MBNL1: variants seen among roughly 807,000 people sequenced by gnomAD.
The protein encoded by MBNL1 is muscleblind like splicing regulator 1, also known as muscleblind-like protein 1.
A neutral mutation model predicts 42.2 loss-of-function variants in MBNL1; 8 were observed. That is an observed-to-expected ratio of 0.19 (90% CI 0.11 to 0.34). The LOEUF is 0.34. Ranked by LOEUF, MBNL1 falls within the 10% of genes least tolerant of loss-of-function variation. The pLI is 1.00. For synonymous variants in MBNL1, 169 were observed against 173.9 expected, an observed-to-expected ratio of 0.97 and a Z score of 0.22; for missense variants, 309 against 495.3, an observed-to-expected ratio of 0.62 and a Z score of 3.57.
At chr3:152,428,005 C>T (rs2098957608) in intron 3 of MBNL1, among the ~76,000 whole-genome samples, 1 of 151,564 alleles carries the variant, frequency 6.6e-6, no homozygotes, top group East Asian at 1.9e-4. Flanking sequence ...ATATTTGCAA[C>T]ATTACAGCAT....
chr3:152,431,229 A>G (rs2099003309), intron 3 of MBNL1, among the ~76,000 whole-genome samples: 1 of 152,190 alleles, frequency 6.6e-6, no homozygotes, highest in South Asian at 2.1e-4. Flanking sequence ...GCGTCCATCC[A>G]TTGAATATAA....
chr3:152,281,254 A>T (rs537584269), intron 1 of MBNL1, among the ~76,000 whole-genome samples: 4 of 152,090 alleles, frequency 2.6e-5, no homozygotes, highest in African/African-American at 9.7e-5. Flanking sequence ...ATGATAAGGT[A>T]CTACTGTGAG....
At chr3:152,338,866 T>G (rs1402955151) in intron 2 of MBNL1, among the ~76,000 whole-genome samples, 2 of 152,218 alleles carry the variant, frequency 1.3e-5, no homozygotes, top group Non-Finnish European at 2.9e-5. Context: ...CACATTAGTT[T>G]TATTTATATT....
chr3:152,421,592 G>A (rs960620268), intron 3 of MBNL1, among the ~76,000 whole-genome samples: 4 of 152,090 alleles, frequency 2.6e-5, no homozygotes, highest in African/African-American at 9.7e-5. Context: ...GAAATACAGA[G>A]AACGACACAA....
intron 2 of MBNL1, among the ~76,000 whole-genome samples, chr3:152,254,953 C>T (rs544645748): frequency 1.3e-5 from 2 of 152,186 alleles, no homozygotes; most frequent in East Asian, 3.9e-4. Flanking sequence ...GTGTGTCTAT[C>T]TCTAAACTGG....
intron 2 of MBNL1, among the ~76,000 whole-genome samples, chr3:152,334,740 G>A (rs2088363928): frequency 6.6e-6 from 1 of 152,072 alleles, no homozygotes; most frequent in Non-Finnish European, 1.5e-5. Flanking sequence ...TTTGCTTATT[G>A]GGAATGAGAA....
intron 2 of MBNL1, among the ~76,000 whole-genome samples, chr3:152,329,695 TTATATA>T (rs200400979): frequency 7.6e-6 from 1 of 132,398 alleles, no homozygotes; most frequent in Admixed American, 7.4e-5. Flanking sequence ...ATCTTATATA[TTATATA>T]TATATATAAT....
chr3:152,320,542 T>C (rs1475353575), intron 2 of MBNL1, among the ~76,000 whole-genome samples: 1 of 152,082 alleles, frequency 6.6e-6, no homozygotes, highest in African/African-American at 2.4e-5. Context: ...TACACAGTTA[T>C]TTTGGTGACA....
intron 1 of MBNL1, among the ~76,000 whole-genome samples, chr3:152,291,694 G>A (rs1008338667): frequency 2.6e-5 from 4 of 152,262 alleles, no homozygotes; most frequent in Admixed American, 2.6e-4. Context: ...TGTGGCAAAG[G>A]CAAATGATAA....
chr3:152,446,653 T>A (rs768632333), intron 5 of MBNL1: 1 of 1,484,846 alleles, frequency 6.7e-7, no homozygotes, highest in East Asian at 2.3e-5. Context: ...GTTAATGCGC[T>A]TGAACCCCAC....
At chr3:152,361,478 A>G (rs1200494385) in intron 2 of MBNL1, among the ~76,000 whole-genome samples, 1 of 151,260 alleles carries the variant, frequency 6.6e-6, no homozygotes, top group African/African-American at 2.4e-5. Context: ...AAGTCAAGGA[A>G]GCATGAAAAA....
At chr3:152,419,303 C>T (rs989924043) in intron 3 of MBNL1, among the ~76,000 whole-genome samples, 1 of 152,056 alleles carries the variant, frequency 6.6e-6, no homozygotes, top group African/African-American at 2.4e-5. Context: ...CAAATAGGAG[C>T]AACTCCAGTC....
Position 152,299,535 on chromosome 3 carries a change from A to T in MBNL1, c.-659A>T. 1 of 393,660 alleles carries T rather than the reference A, an allele frequency of 2.5e-6. No homozygotes were observed. Among genetic ancestry groups the T allele is most frequent in the Non-Finnish European group, 4.5e-6 (1 of 223,224 alleles). 24.4% of individuals were successfully genotyped at this position (393,660 alleles called of 1,614,324 possible). ...CACATCCACCCTCCACCTCTAGCCC[A>T]GACACCCCCATTTCTACTTATAATC... On this transcript the variant is annotated 5_prime_UTR_variant, in exon 2 of 10. Transcript: ENST00000324210.
intron 2 of MBNL1, among the ~76,000 whole-genome samples, chr3:152,324,956 T>C (rs1399749814): frequency 6.6e-6 from 1 of 152,010 alleles, no homozygotes; most frequent in East Asian, 1.9e-4. Context: ...GATCCCTTAC[T>C]AAGTACTTAG....
At chr3:152,458,695 C>T (rs1422514623) in intron 8 of MBNL1, 1 of 155,984 alleles carries the variant, frequency 6.4e-6, no homozygotes, top group Non-Finnish European at 1.4e-5. Flanking sequence ...CTCTCAAGTT[C>T]TCTAATTCTC....
intron 1 of MBNL1, among the ~76,000 whole-genome samples, chr3:152,281,327 A>C (rs141405440): frequency 2.2e-3 from 338 of 152,198 alleles, no homozygotes; most frequent in Non-Finnish European, 3.8e-3. Flanking sequence ...TCAGTATGGT[A>C]TGAATTAGGC....
chr3:152,268,622 G>T (rs1484295824), upstream of MBNL1: 1 of 400,114 alleles, frequency 2.5e-6, no homozygotes, highest in Non-Finnish European at 5.0e-6. Flanking sequence ...AGATACCAAC[G>T]GGAGGCCGAG....
chr3:152,317,514 T>A (rs2152306513), intron 2 of MBNL1, among the ~76,000 whole-genome samples: 1 of 152,182 alleles, frequency 6.6e-6, no homozygotes, highest in East Asian at 1.9e-4. Flanking sequence ...TAGATGAGGT[T>A]TCAGCATGTT....
At chr3:152,450,706 A>G (rs1721075433) in intron 6 of MBNL1, among the ~76,000 whole-genome samples, 1 of 152,204 alleles carries the variant, frequency 6.6e-6, no homozygotes, top group Admixed American at 6.5e-5. Flanking sequence ...GATTGTGTAT[A>G]TGCCTCATAG....
Sources: allele counts gnomAD v4.1 joint callset (sites outside exome capture counted in the v4.1 genomes callset), GRCh38; gene constraint gnomAD v4.1.1; transcripts MANE v1.5; gene names NCBI Gene and HGNC (gene_info 2026-07-23, HGNC 2026-07-21).